Variants in PAPSS2 observed in about 807,000 individuals in gnomAD.
The protein encoded by PAPSS2 is 3'-phosphoadenosine 5'-phosphosulfate synthase 2, also known as bifunctional 3'-phosphoadenosine 5'-phosphosulfate synthase 2.
In PAPSS2, 61 loss-of-function variants were observed where a neutral mutation model predicts 66.5. The ratio of observed to expected loss-of-function variants is 0.92; its 90% CI spans 0.75 to 1.14. The LOEUF is 1.14. Among genes scored for constraint, PAPSS2 ranks in the 50% most tolerant of loss-of-function variants. PAPSS2 has a pLI of 0.00. For missense variants in PAPSS2, 708 were observed against 789.6 expected (o/e 0.90, Z 1.24); for synonymous variants, 289 against 287.5 (o/e 1.01, Z -0.05).
At chr10:87,683,692 CTT>C (rs11304506) in intron 1 of PAPSS2, among the ~76,000 whole-genome samples, 315 of 140,434 alleles carry the variant, frequency 2.2e-3, no homozygotes, top group African/African-American at 3.5e-3. Context: ...GAGATAAAAT[CTT>C]TTTTTTTTTT....
intron 9 of PAPSS2, among the ~76,000 whole-genome samples, chr10:87,735,928 AC>A (rs1307368118): frequency 6.6e-6 from 1 of 152,178 alleles, no homozygotes; most frequent in Non-Finnish European, 1.5e-5. Flanking sequence ...CATAATGGGG[AC>A]TGTGAACCAG....
intron 1 of PAPSS2, among the ~76,000 whole-genome samples, chr10:87,682,283 A>G (rs1853031945): frequency 6.6e-6 from 1 of 152,236 alleles, no homozygotes; most frequent in Non-Finnish European, 1.5e-5. Flanking sequence ...GCAAAGGGTA[A>G]CATCCCACTC....
At chr10:87,740,690 CCTCTT>C (rs1372851755) in intron 9 of PAPSS2, among the ~76,000 whole-genome samples, 2 of 152,244 alleles carry the variant, frequency 1.3e-5, no homozygotes, top group South Asian at 2.1e-4. Flanking sequence ...CTATCCAAAT[CCTCTT>C]CTCTTTTCCA....
At chr10:87,718,515 T>C (rs1853559466) in intron 7 of PAPSS2, among the ~76,000 whole-genome samples, 1 of 152,226 alleles carries the variant, frequency 6.6e-6, no homozygotes, top group Non-Finnish European at 1.5e-5. Flanking sequence ...CCCTACCTGC[T>C]CATGCAGAAA....
intron 9 of PAPSS2, among the ~76,000 whole-genome samples, chr10:87,737,118 G>A (rs894444486): frequency 2.6e-5 from 4 of 152,108 alleles, no homozygotes; most frequent in Non-Finnish European, 5.9e-5. Context: ...CAAAAGAGTA[G>A]GTGATGACTC....
intron 2 of PAPSS2, among the ~76,000 whole-genome samples, chr10:87,709,904 C>G (rs1294161055): frequency 6.6e-6 from 1 of 152,188 alleles, no homozygotes; most frequent in Admixed American, 6.5e-5. Context: ...CTGAATGACT[C>G]TCCCTTTTCT....
intron 6 of PAPSS2, 116 bp from the exon 7 acceptor site, chr10:87,715,616 C>A (rs1182537417): frequency 1.5e-5 from 11 of 727,066 alleles, no homozygotes; most frequent in Non-Finnish European, 2.5e-5. Context: ...ACACTTAAAA[C>A]ATAGAAGGTT....
In PAPSS2 at chr10:87,745,084, C is replaced by T. The variant is rs1853919916; in HGVS notation, c.1574C>T (p.Pro525Leu). 6 of 1,614,126 alleles carry T rather than the reference C, an allele frequency of 3.7e-6. No individual in the cohort carries two copies. Among genetic ancestry groups the T allele is most frequent in the Non-Finnish European group, 5.1e-6 (6 of 1,179,992 alleles). ...VGRDPAGMPHPETKKDLYEPT... is the reference protein window; with the variant it reads ...VGRDPAGMPHLETKKDLYEPT... ...AGGGACCCTGCAGGAATGCCCCATC[C>T]TGAAACCAAGAAGGATCTGTATGAA... Residue 525 changes from proline to leucine, a missense_variant, in exon 12 of 13, where the codon CCT becomes CTT. Physicochemically the swap from Pro to Leu is moderately conservative, Grantham distance 98. Coordinates refer to ENST00000456849, the MANE Select transcript of PAPSS2 (RefSeq NM_001015880.2).
chr10:87,673,689 C>CCTTT (rs749811014), intron 1 of PAPSS2, among the ~76,000 whole-genome samples: 1 of 67,424 alleles, frequency 1.5e-5, no homozygotes, highest in African/African-American at 5.3e-5. Flanking sequence ...TTTTGGCTTA[C>CCTTT]TTTTTTTTTT....
At chr10:87,706,593 CA>C (rs5786789) in intron 1 of PAPSS2, among the ~76,000 whole-genome samples, 2,722 of 77,560 alleles carry the variant, frequency 0.035, 28 homozygotes, top group African/African-American at 0.042. Flanking sequence ...CCTATCTGTA[CA>C]AAAAAAAAAA....
Position 87,659,881 on chromosome 10 carries a change from CGCTGCTGCTGCT to C in PAPSS2, c.-86_-75del. The C allele has an allele frequency of 2.0e-5, 21 of 1,037,566 alleles. No homozygotes were observed. The highest frequency in any genetic ancestry group is 3.1e-5 in the Non-Finnish European group (21 of 671,674). 64.3% of individuals were successfully genotyped at this position (1,037,566 alleles called of 1,614,324 possible). On this transcript the variant is annotated 5_prime_UTR_variant, in exon 1 of 13. Transcript: ENST00000456849. ...ACCTCCTTCCCGGGAGTCCGGCAGC[CGCTGCTGCTGCT>C]GCTGCTGCTGCTGCCGCCGCCGCCG...
rs768249504 is a variant in PAPSS2 at position 87,659,963 on chromosome 10, T to C, written c.-19T>C. 1 of 1,612,122 alleles carries C rather than the reference T, an allele frequency of 6.2e-7. No individual in the cohort carries two copies. The highest frequency in any genetic ancestry group is 8.5e-7 in the Non-Finnish European group (1 of 1,179,526). ...CGGTCTCTGCTCCCGGGACCCGGGC[T>C]CCGCCGCAGCCAGCCAGCATGTCGG... On this transcript the variant is annotated 5_prime_UTR_variant, in exon 1 of 13. Transcript: ENST00000456849.
chr10:87,714,883 T>G lies in PAPSS2; in HGVS notation c.639+20T>G. Reference sequence around the variant, plus strand: ...GAGCAGGTAGGTGAACCGGTTGTCTTTTTTTATATGTTTAATAAAATCATG... The same window carrying G: ...GAGCAGGTAGGTGAACCGGTTGTCTGTTTTTATATGTTTAATAAAATCATG... On this transcript the variant is annotated intron_variant, in intron 5 of 12. Coordinates refer to ENST00000456849, the MANE Select transcript of PAPSS2 (RefSeq NM_001015880.2). The G allele has an allele frequency of 6.7e-7, 1 of 1,500,246 alleles. No homozygotes were observed. The allele number at this position is 1,500,246 out of a possible 1,614,324, so 92.9% of individuals were successfully genotyped here. A position where few individuals can be genotyped will look rare whatever the true frequency, so the allele number is the denominator to read the frequency against.
chr10:87,732,761 G>A (rs1427609326), intron 9 of PAPSS2, among the ~76,000 whole-genome samples: 2 of 152,082 alleles, frequency 1.3e-5, no homozygotes, highest in Non-Finnish European at 2.9e-5. Flanking sequence ...GCTGGCAGAT[G>A]GAACTCAGAA....
intron 1 of PAPSS2, among the ~76,000 whole-genome samples, chr10:87,689,760 A>C (rs951439297): frequency 1.4e-5 from 2 of 148,004 alleles, no homozygotes; most frequent in Non-Finnish European, 3.0e-5. Flanking sequence ...CAATAATGGA[A>C]TAGAACAAGG....
chr10:87,683,635 A>G (rs943552940), intron 1 of PAPSS2, among the ~76,000 whole-genome samples: 5 of 152,130 alleles, frequency 3.3e-5, no homozygotes, highest in African/African-American at 1.2e-4. Flanking sequence ...ACACATGGTC[A>G]GGGGATCAGA....
intron 2 of PAPSS2, among the ~76,000 whole-genome samples, chr10:87,712,594 C>G (rs1268199624): frequency 2.0e-5 from 3 of 152,086 alleles, no homozygotes; most frequent in African/African-American, 7.2e-5. Flanking sequence ...TAGCTGGGAC[C>G]ACAGGAGTGC....
intron 1 of PAPSS2, among the ~76,000 whole-genome samples, chr10:87,703,245 A>G (rs1853340024): frequency 9.7e-6 from 1 of 102,738 alleles, no homozygotes; most frequent in African/African-American, 5.7e-5. Flanking sequence ...CCGGGCTTTA[A>G]TACAGAGCAG....
chr10:87,710,264 T>A (rs1853447589), intron 2 of PAPSS2, among the ~76,000 whole-genome samples: 1 of 152,238 alleles, frequency 6.6e-6, no homozygotes. Context: ...TCTTGTACTC[T>A]TCAAGTTTTT....
Sources: allele counts gnomAD v4.1 joint callset (sites outside exome capture counted in the v4.1 genomes callset), GRCh38; gene constraint gnomAD v4.1.1; transcripts MANE v1.5; gene names NCBI Gene and HGNC (gene_info 2026-07-23, HGNC 2026-07-21).